The following OGDH variants were observed in gnomAD, a reference collection of about 807,000 sequenced individuals.
The protein encoded by OGDH is oxoglutarate dehydrogenase.
In OGDH, 38 loss-of-function variants were observed where a neutral mutation model predicts 116.6. The observed-to-expected ratio is 0.33, with a 90% CI of 0.25 to 0.43. The LOEUF (loss-of-function observed/expected upper bound fraction) is 0.43, where lower values mean the gene tolerates loss of function less well. Ranked by LOEUF, OGDH falls within the 20% of genes least tolerant of loss-of-function variation. The pLI, the probability that OGDH is intolerant of heterozygous loss-of-function variation, is 1.00. For missense variants in OGDH, 825 were observed against 1,357.2 expected, an observed-to-expected ratio of 0.61 and a Z score of 6.16; for synonymous variants, 488 against 533.3, an observed-to-expected ratio of 0.92 and a Z score of 1.17.
intron 2 of OGDH, among the ~76,000 whole-genome samples, chr7:44,635,470 C>A (rs1785624772): frequency 6.6e-6 from 1 of 152,048 alleles, no homozygotes; most frequent in South Asian, 2.1e-4. Context: ...GACAAGGTGG[C>A]AGTAATGTGG....
rs765465216 is a variant in OGDH at position 44,697,017 on chromosome 7, C to T, written c.2004C>T (p.Gly668=). 10 of 1,614,224 alleles carry T rather than the reference C, an allele frequency of 6.2e-6. No individual in the cohort carries two copies. In the Middle Eastern group the frequency reaches 8.2e-4, roughly 133 times the overall value. Reference sequence around the variant, plus strand: ...CGTTTGGCTCGCTCCTGAAGGAGGGCATCCACATTCGGCTGAGCGGCCAGG... The same window carrying T: ...CGTTTGGCTCGCTCCTGAAGGAGGGTATCCACATTCGGCTGAGCGGCCAGG... ...YMAFGSLLKE[G]IHIRLSGQDV... Residue 668 remains glycine (G), a synonymous_variant, in exon 15 of 23, where the codon GGC becomes GGT. Transcript: ENST00000222673. This position sits in a 1 kb window ranked among gnomAD's most constrained non-coding sequence, Gnocchi z 6.0.
chr7:44,691,313 C>T (rs1380247346), intron 10 of OGDH, among the ~76,000 whole-genome samples: 2 of 152,030 alleles, frequency 1.3e-5, no homozygotes, highest in Non-Finnish European at 2.9e-5. Flanking sequence ...TGCTTGAGCT[C>T]AGGAGTTCAA....
intron 2 of OGDH, among the ~76,000 whole-genome samples, chr7:44,640,161 A>G (rs996513667): frequency 6.6e-6 from 1 of 152,100 alleles, no homozygotes; most frequent in Non-Finnish European, 1.5e-5. Context: ...CTTTCATTTT[A>G]TTGTTGAGCC....
At chr7:44,611,498 A>C (rs1473062433) in intron 1 of OGDH, among the ~76,000 whole-genome samples, 1 of 151,280 alleles carries the variant, frequency 6.6e-6, no homozygotes, top group Non-Finnish European at 1.5e-5. Context: ...GATGGTCTCG[A>C]TCTCCTGACC....
chr7:44,662,453 TC>T (rs1478234862), intron 4 of OGDH, among the ~76,000 whole-genome samples: 3 of 147,184 alleles, frequency 2.0e-5, no homozygotes, highest in Non-Finnish European at 4.4e-5. Flanking sequence ...TTCTTTCTTT[TC>T]TTTTCTTTTC....
rs1375491183 is a variant in OGDH, at chr7:44,645,352, C to T, written c.248C>T (p.Thr83Met). ...TCATGGGACATTTTTTTTCGCAACA[C>T]GAATGCCGGAGCCCCACCGGGCACT... The part of the protein sequence containing the change: ...HKSWDIFFRN[T>M]NAGAPPGTAY... The change falls in exon 3 of 23, where the codon ACG becomes ATG. Residue 83 changes from threonine (T) to methionine (M), a missense_variant. Thr to Met is a moderately conservative substitution (Grantham distance 81, BLOSUM62 -1). Transcript: ENST00000222673. 2.5e-6 allele frequency: 4 copies of T among 1,612,774 alleles called. No homozygotes were observed. The South Asian group carries it at 3.3e-5, about 13-fold the overall frequency.
intron 9 of OGDH, 45 bp from the exon 10 acceptor site, chr7:44,681,675 G>A: frequency 6.3e-7 from 1 of 1,585,642 alleles, no homozygotes; most frequent in Non-Finnish European, 8.6e-7. Flanking sequence ...TGTGGACTTG[G>A]CAATCAGAAC....
intron 19 of OGDH, among the ~76,000 whole-genome samples, 182 bp downstream of exon 19, chr7:44,700,451 G>T (rs542465111): frequency 4.6e-5 from 7 of 152,360 alleles, no homozygotes; most frequent in Admixed American, 1.3e-4. Flanking sequence ...TGAGGGAACT[G>T]CGTGTTCTGT....
At chr7:44,620,666 C>T (rs936682534) in intron 1 of OGDH, among the ~76,000 whole-genome samples, 3 of 152,112 alleles carry the variant, frequency 2.0e-5, no homozygotes, top group Non-Finnish European at 2.9e-5. Context: ...ACTCCCAGCC[C>T]GTGGGCCACA....
chr7:44,609,372 C>T (rs1053919623), intron 1 of OGDH, among the ~76,000 whole-genome samples: 4 of 149,028 alleles, frequency 2.7e-5, no homozygotes, highest in Non-Finnish European at 5.9e-5. Flanking sequence ...TAGCCAGGCG[C>T]AGTGGTGTGT....
Position 44,694,339 on chromosome 7 carries a change from A to G in OGDH, c.1516-85A>G. Reference sequence around the variant, plus strand: ...GGAATGAAGAACGTGGCCATCACCTAGGAGAGATGGGGCAGGTGCCTGAAC... The same window carrying G: ...GGAATGAAGAACGTGGCCATCACCTGGGAGAGATGGGGCAGGTGCCTGAAC... On this transcript the variant is annotated intron_variant, in intron 11 of 22. Coordinates refer to ENST00000222673, the MANE Select transcript of OGDH (RefSeq NM_002541.4). The surrounding 1 kb of genome is among the most constrained non-coding windows in gnomAD (Gnocchi z 4.2). The G allele has an allele frequency of 1.3e-6, 2 of 1,527,728 alleles. No homozygotes were observed. Among genetic ancestry groups the G allele is most frequent in the Non-Finnish European group, 1.8e-6 (2 of 1,126,188 alleles). 94.6% of individuals were successfully genotyped at this position (1,527,728 alleles called of 1,614,324 possible).
chr7:44,681,979 G>A, intron 10 of OGDH, 131 bp downstream of exon 10: 4 of 1,204,702 alleles, frequency 3.3e-6, no homozygotes, highest in Non-Finnish European at 4.6e-6. Context: ...AGGTGCAGTG[G>A]CTCACGCCTG....
intron 8 of OGDH, 137 bp downstream of exon 8, chr7:44,675,405 AT>A: frequency 1.3e-6 from 1 of 752,050 alleles, no homozygotes; most frequent in South Asian, 1.6e-5. Flanking sequence ...TGTTGGGAGA[AT>A]TTTAGTGTTG....
chr7:44,696,167 G>C (rs771406309), intron 13 of OGDH, 40 bp downstream of exon 13: 1 of 1,390,150 alleles, frequency 7.2e-7, no homozygotes, highest in Non-Finnish European at 1.0e-6. Context: ...CTCCTTTGAG[G>C]ATCTGATGTA....
chr7:44,633,599 A>G (rs1185120917), intron 2 of OGDH, among the ~76,000 whole-genome samples: 1 of 152,138 alleles, frequency 6.6e-6, no homozygotes, highest in African/African-American at 2.4e-5. Flanking sequence ...GGATTCTCAT[A>G]TCTCTTCGCG....
chr7:44,647,140 A>C (rs1786221590), intron 3 of OGDH, among the ~76,000 whole-genome samples: 1 of 152,234 alleles, frequency 6.6e-6, no homozygotes, highest in South Asian at 2.1e-4. Context: ...TTGGAGTAAG[A>C]ATTGCCCAGC....
rs965543646 is a variant in OGDH, at chr7:44,641,962, G to A, written c.223-3365G>A. On this transcript the variant is annotated intron_variant, in intron 2 of 22. Coordinates refer to ENST00000222673, the MANE Select transcript of OGDH (RefSeq NM_002541.4). The stretch of plus-strand genomic sequence containing the variant: ...ACATCCTCTGTTTTCTCTCCTAAGA[G>A]TAAGTCAGTTTTTTCCTCTGGTGGA... Among the ~76,000 whole-genome samples, 4 of 152,206 alleles carry A rather than the reference G, an allele frequency of 2.6e-5. 1 individual carries two copies. The highest frequency in any genetic ancestry group is 5.9e-5 in the Non-Finnish European group (4 of 68,042).
chr7:44,677,044 G>A (rs1787733298), intron 9 of OGDH, among the ~76,000 whole-genome samples: 1 of 152,114 alleles, frequency 6.6e-6, no homozygotes, highest in Non-Finnish European at 1.5e-5. Flanking sequence ...TGCTTGTGTA[G>A]AAATAGTCTC....
chr7:44,683,905 C>G (rs1334053235), intron 10 of OGDH, among the ~76,000 whole-genome samples: 1 of 152,164 alleles, frequency 6.6e-6, no homozygotes, highest in African/African-American at 2.4e-5. Context: ...ACTCTAGGCA[C>G]TCTCCTAGGT....
Sources: allele counts gnomAD v4.1 joint callset (sites outside exome capture counted in the v4.1 genomes callset), GRCh38; gene constraint gnomAD v4.1.1; non-coding constraint Gnocchi (gnomAD v3.1); transcripts MANE v1.5; gene names NCBI Gene and HGNC (gene_info 2026-07-23, HGNC 2026-07-21).